The following PTGIS variants were observed in gnomAD, a reference collection of about 807,000 sequenced individuals.
PTGIS encodes prostaglandin I2 synthase.
PTGIS carries 45 observed loss-of-function variants against 50.3 expected under a neutral mutation model. The ratio of observed to expected loss-of-function variants is 0.90; its 90% CI spans 0.70 to 1.15. PTGIS has a LOEUF of 1.15. Among genes scored for constraint, PTGIS ranks in the 50% most tolerant of loss-of-function variants. The pLI, the probability that PTGIS is intolerant of heterozygous loss-of-function variation, is 0.00. For missense variants in PTGIS, 668 were observed against 661.3 expected (o/e 1.01, Z -0.11); for synonymous variants, 260 against 267.7 (o/e 0.97, Z 0.28).
intron 5 of PTGIS, among the ~76,000 whole-genome samples, chr20:49,536,471 TTTC>T (rs1326032411): frequency 7.4e-6 from 1 of 134,766 alleles, no homozygotes; most frequent in South Asian, 2.3e-4. Flanking sequence ...TCTTTCTTTC[TTTC>T]TTTCTTTTTT....
intron 5 of PTGIS, among the ~76,000 whole-genome samples, chr20:49,533,182 C>T (rs886116468): frequency 2.0e-5 from 3 of 152,286 alleles, no homozygotes; most frequent in Non-Finnish European, 2.9e-5. Flanking sequence ...GCCCTCTAGG[C>T]CCTCTAGATT....
At chr20:49,543,852 T>A (rs1050773037) in intron 4 of PTGIS, among the ~76,000 whole-genome samples, 13 of 152,324 alleles carry the variant, frequency 8.5e-5, no homozygotes, top group African/African-American at 3.1e-4. Context: ...TCTGTCCTGT[T>A]CCCTGCTGTA....
intron 5 of PTGIS, among the ~76,000 whole-genome samples, chr20:49,526,191 G>T (rs1237832763): frequency 1.3e-5 from 2 of 152,172 alleles, no homozygotes; most frequent in African/African-American, 2.4e-5. Context: ...CGTGGGAACT[G>T]GGCATCCAGA....
chr20:49,532,704 C>T (rs142151275), intron 5 of PTGIS, among the ~76,000 whole-genome samples: 7 of 152,224 alleles, frequency 4.6e-5, no homozygotes, highest in South Asian at 4.1e-4. Context: ...TAATAAATTG[C>T]GAAATACAGA....
chr20:49,537,066 C>T (rs1055029496), intron 5 of PTGIS, among the ~76,000 whole-genome samples: 1 of 152,214 alleles, frequency 6.6e-6, no homozygotes, highest in African/African-American at 2.4e-5. Context: ...CAGGCCTCTG[C>T]TGCAAGTCTC....
chr20:49,524,993 T>G (rs1180911231), intron 5 of PTGIS, among the ~76,000 whole-genome samples: 1 of 152,192 alleles, frequency 6.6e-6, no homozygotes, highest in African/African-American at 2.4e-5. Flanking sequence ...CTGAGCAGCA[T>G]TCTCCCTCCC....
At chr20:49,544,782 C>A (rs1982316561) in intron 3 of PTGIS, among the ~76,000 whole-genome samples, 1 of 152,156 alleles carries the variant, frequency 6.6e-6, no homozygotes, top group Non-Finnish European at 1.5e-5. Context: ...GGACTGAAAT[C>A]CTGGTCTGCC....
intron 3 of PTGIS, among the ~76,000 whole-genome samples, chr20:49,547,527 G>T (rs1303831384): frequency 6.6e-6 from 1 of 152,042 alleles, no homozygotes; most frequent in East Asian, 1.9e-4. Flanking sequence ...CAAAGCTAGG[G>T]AGTGATGGGG....
At chr20:49,560,007 C>T (rs111873447) in intron 1 of PTGIS, among the ~76,000 whole-genome samples, 2,906 of 151,866 alleles carry the variant, frequency 0.019, 93 homozygotes, top group African/African-American at 0.068. Context: ...TCACTGCAAC[C>T]TGCACCTCCC....
intron 4 of PTGIS, among the ~76,000 whole-genome samples, chr20:49,541,135 A>G (rs1982214891): frequency 2.0e-5 from 3 of 152,224 alleles, no homozygotes; most frequent in African/African-American, 7.2e-5. Context: ...AGCTTCCTTC[A>G]AACATTTGGG....
chr20:49,511,409 A>G (rs544545542), intron 8 of PTGIS, among the ~76,000 whole-genome samples: 1 of 152,360 alleles, frequency 6.6e-6, no homozygotes, highest in African/African-American at 2.4e-5. Flanking sequence ...CAAGTTTCAG[A>G]ATAGTATATA....
At chr20:49,525,567 G>A (rs930743597) in intron 5 of PTGIS, among the ~76,000 whole-genome samples, 4 of 150,576 alleles carry the variant, frequency 2.7e-5, no homozygotes, top group African/African-American at 9.7e-5. Flanking sequence ...TTTAGATATT[G>A]TTTTCTTTTC....
In PTGIS at chr20:49,531,840, A is replaced by C. The variant is rs369792903; in HGVS notation, c.674-7601T>G. ...GAGACAAGGTCTGTCTATATTGCCC[A>C]GGCTGGCCTCAAACTCCTGAACAAA... On this transcript the variant is annotated intron_variant, in intron 5 of 9. Coordinates refer to ENST00000244043, the MANE Select transcript of PTGIS (RefSeq NM_000961.4). Among the ~76,000 whole-genome samples, 6 of 152,304 alleles carry C rather than the reference A, an allele frequency of 3.9e-5. No individual in the cohort carries two copies. In the South Asian group the frequency reaches 8.3e-4, roughly 21 times the overall value.
chr20:49,545,429 G>T (rs904777708), intron 3 of PTGIS, among the ~76,000 whole-genome samples: 2 of 142,906 alleles, frequency 1.4e-5, no homozygotes, highest in African/African-American at 5.3e-5. Flanking sequence ...CTTAAAAAAA[G>T]AAAAGAAAAA....
At chr20:49,551,733 AGTGTTTATGTATGTGTGT>A (rs912349903) in intron 1 of PTGIS, among the ~76,000 whole-genome samples, 1 of 149,268 alleles carries the variant, frequency 6.7e-6, no homozygotes, top group Non-Finnish European at 1.5e-5. Context: ...TTTTGTCAGC[AGTGTTTATGTATGTGTGT>A]GTGTTTATGT....
At chr20:49,563,830 C>T (rs1982834197) in intron 1 of PTGIS, among the ~76,000 whole-genome samples, 1 of 152,248 alleles carries the variant, frequency 6.6e-6, no homozygotes, top group Admixed American at 6.5e-5. Flanking sequence ...TCCGGACCCC[C>T]AGAAAAGGAG....
At chr20:49,509,758 A>AT (rs1167045230) in intron 9 of PTGIS, among the ~76,000 whole-genome samples, 2 of 147,350 alleles carry the variant, frequency 1.4e-5, no homozygotes, top group East Asian at 2.0e-4. Flanking sequence ...CTTTACTACC[A>AT]TTTTTTTTAC....
Position 49,505,277 on chromosome 20 carries a change from G to C in PTGIS, c.*2643C>G, listed in dbSNP as rs1342917382. Reference sequence around the variant, plus strand: ...GCATCCAGGTAACTTCCTAACTAGCGCATAGCAGGTAGCTAACCCACTCAT... The same window carrying C: ...GCATCCAGGTAACTTCCTAACTAGCCCATAGCAGGTAGCTAACCCACTCAT... On this transcript the variant is annotated 3_prime_UTR_variant, in exon 10 of 10. Transcript: ENST00000244043. 1 of 152,216 alleles carries C rather than the reference G, an allele frequency of 6.6e-6. No homozygotes were observed. The highest frequency in any genetic ancestry group is 2.4e-5 in the African/African-American group (1 of 41,518). 9.4% of individuals were successfully genotyped at this position (152,216 alleles called of 1,614,324 possible). A position where few individuals can be genotyped will look rare whatever the true frequency, so the allele number is the denominator to read the frequency against.
At chr20:49,533,988 T>A (rs895161340) in intron 5 of PTGIS, among the ~76,000 whole-genome samples, 2 of 150,210 alleles carry the variant, frequency 1.3e-5, no homozygotes, top group Non-Finnish European at 1.5e-5. Flanking sequence ...TATATATATA[T>A]AAAATGTATG....
Sources: gnomAD v4.1 joint callset for allele counts (sites outside exome capture counted in the v4.1 genomes callset) on GRCh38, gnomAD v4.1.1 for gene constraint, MANE v1.5 for transcripts, NCBI Gene and HGNC (gene_info 2026-07-23, HGNC 2026-07-21) for gene names.